The following DCDC2 variants were observed in gnomAD, a reference collection of about 807,000 sequenced individuals.
DCDC2 encodes doublecortin domain containing 2.
DCDC2 carries 40 observed loss-of-function variants against 50.2 expected under a neutral mutation model. That is an observed-to-expected ratio of 0.80 (90% CI 0.62 to 1.04). The LOEUF is 1.04. DCDC2 is among the 50% of genes least tolerant of loss of function. The pLI, the probability that DCDC2 is intolerant of heterozygous loss-of-function variation, is 0.00. For synonymous variants in DCDC2, 234 were observed against 210.6 expected, an observed-to-expected ratio of 1.11 and a Z score of -0.96; for missense variants, 570 against 581.9, an observed-to-expected ratio of 0.98 and a Z score of 0.21.
chr6:24,205,375 A>C, intron 7 of DCDC2: 4 of 1,448,400 alleles, frequency 2.8e-6, no homozygotes, highest in Non-Finnish European at 3.7e-6. Context: ...TGATTTACTA[A>C]CATAGCCCTT....
intron 6 of DCDC2, among the ~76,000 whole-genome samples, chr6:24,279,115 G>T (rs1443010029): frequency 6.6e-6 from 1 of 152,130 alleles, no homozygotes; most frequent in South Asian, 2.1e-4. Flanking sequence ...TTTATCACTG[G>T]CCCAGTACAG....
intron 7 of DCDC2, among the ~76,000 whole-genome samples, chr6:24,211,293 C>G (rs950599983): frequency 6.6e-6 from 1 of 152,136 alleles, no homozygotes; most frequent in African/African-American, 2.4e-5. Context: ...GGCAGTATAG[C>G]ATTTGGATGG....
At chr6:24,199,014 G>C (rs1050027066) in intron 8 of DCDC2, among the ~76,000 whole-genome samples, 1 of 152,176 alleles carries the variant, frequency 6.6e-6, no homozygotes, top group Admixed American at 6.5e-5. Flanking sequence ...TCCAGTCAGG[G>C]GCTCATAGAT....
chr6:24,219,040 A>G (rs1459519646), intron 7 of DCDC2, among the ~76,000 whole-genome samples: 3 of 152,312 alleles, frequency 2.0e-5, no homozygotes, highest in African/African-American at 7.2e-5. Context: ...GTAGTCTTTT[A>G]TTGGATTTCT....
At chr6:24,207,181 T>C (rs1389477383) in intron 7 of DCDC2, among the ~76,000 whole-genome samples, 1 of 152,098 alleles carries the variant, frequency 6.6e-6, no homozygotes, top group Non-Finnish European at 1.5e-5. Context: ...TAAATATGTT[T>C]AATCTCATGA....
chr6:24,342,347 C>A (rs1370692265), intron 2 of DCDC2, among the ~76,000 whole-genome samples: 1 of 152,204 alleles, frequency 6.6e-6, no homozygotes, highest in African/African-American at 2.4e-5. Context: ...CAGAAAATCA[C>A]AGCATCGCAT....
intron 7 of DCDC2, among the ~76,000 whole-genome samples, chr6:24,214,395 G>C (rs1280999394): frequency 6.6e-6 from 1 of 152,098 alleles, no homozygotes; most frequent in Non-Finnish European, 1.5e-5. Context: ...CTACACTTCT[G>C]TTATTTTTAG....
chr6:24,255,241 A>G (rs925105437), intron 7 of DCDC2, among the ~76,000 whole-genome samples: 3 of 152,132 alleles, frequency 2.0e-5, no homozygotes, highest in Non-Finnish European at 4.4e-5. Context: ...CAAATTGTAC[A>G]GCATCAACTA....
At position 24,280,328 on chromosome 6, in the gene DCDC2, T is replaced by C. The variant is rs1330198486; in HGVS notation, c.760-2117A>G. Among the ~76,000 whole-genome samples, 7 of 152,062 alleles carry C rather than the reference T, an allele frequency of 4.6e-5. No individual in the cohort carries two copies. In the East Asian group the frequency reaches 1.2e-3, roughly 25 times the overall value. ...TCCTATTCCAACTGCAATTTAAACA[T>C]ACAGTTTCCATTTAATTATTATGGT... On this transcript the variant is annotated intron_variant, in intron 6 of 9. Coordinates refer to ENST00000378454, the MANE Select transcript of DCDC2 (RefSeq NM_016356.5).
At chr6:24,373,728 A>T in the DCDC2 span, among the ~76,000 whole-genome samples, 3 of 152,164 alleles carry the variant, frequency 2.0e-5, no homozygotes, top group African/African-American at 7.2e-5. Flanking sequence ...TCTTTGTATT[A>T]TTGTTAATGC....
the DCDC2 span, among the ~76,000 whole-genome samples, chr6:24,382,610 G>A: frequency 1.3e-5 from 2 of 152,072 alleles, no homozygotes; most frequent in Non-Finnish European, 2.9e-5. Flanking sequence ...GTAATTTAAG[G>A]TTTGAGCAAT....
intron 7 of DCDC2, among the ~76,000 whole-genome samples, chr6:24,220,247 T>G (rs527486369): frequency 6.6e-6 from 1 of 152,240 alleles, no homozygotes; most frequent in Non-Finnish European, 1.5e-5. Flanking sequence ...ATACCAATTG[T>G]GTAATTTCAT....
At chr6:24,378,514 A>G in the DCDC2 span, among the ~76,000 whole-genome samples, 7 of 152,050 alleles carry the variant, frequency 4.6e-5, no homozygotes, top group African/African-American at 1.4e-4. Context: ...GGCATGATAT[A>G]TACTTCAGAG....
chr6:24,335,162 G>C (rs996970512), intron 2 of DCDC2, among the ~76,000 whole-genome samples: 2 of 152,144 alleles, frequency 1.3e-5, no homozygotes, highest in African/African-American at 4.8e-5. Context: ...AAATTGAAGG[G>C]AAGACCTGGT....
chr6:24,194,229 T>A (rs1761375578), intron 8 of DCDC2, among the ~76,000 whole-genome samples: 1 of 152,130 alleles, frequency 6.6e-6, no homozygotes, highest in Non-Finnish European at 1.5e-5. Flanking sequence ...TTGAACTGAT[T>A]GACTTTTAAA....
intron 7 of DCDC2, among the ~76,000 whole-genome samples, chr6:24,251,414 C>A (rs972974756): frequency 6.6e-6 from 1 of 152,172 alleles, no homozygotes; most frequent in East Asian, 1.9e-4. Context: ...GTTTGGACAG[C>A]AATGTTAGGT....
chr6:24,239,331 A>C (rs1177245390), intron 7 of DCDC2, among the ~76,000 whole-genome samples: 2 of 152,154 alleles, frequency 1.3e-5, no homozygotes, highest in Non-Finnish European at 2.9e-5. Flanking sequence ...GTCCTCATAG[A>C]AACACACTTC....
At chr6:24,262,390 T>C (rs1763030375) in intron 7 of DCDC2, among the ~76,000 whole-genome samples, 2 of 152,186 alleles carry the variant, frequency 1.3e-5, no homozygotes, top group South Asian at 4.1e-4. Context: ...AGCACTTAAA[T>C]AAACTTGATA....
rs183487738 is a variant in DCDC2 at position 24,192,813 on chromosome 6, A to C, written c.1023+12189T>G. Among the ~76,000 whole-genome samples the C allele has an allele frequency of 3.1e-4, 47 of 152,204 alleles. No homozygotes were observed. The East Asian group carries it at 7.9e-3, about 26-fold the overall frequency. ...TATATTCAAATACCTGGACTTCTGG[A>C]AACAGTAGGGAAAGGAAGAGAAGAA... On this transcript the variant is annotated intron_variant, in intron 8 of 9. Transcript: ENST00000378454.
Sources: gnomAD v4.1 joint callset for allele counts (sites outside exome capture counted in the v4.1 genomes callset) on GRCh38, gnomAD v4.1.1 for gene constraint, MANE v1.5 for transcripts, NCBI Gene and HGNC (gene_info 2026-07-23, HGNC 2026-07-21) for gene names.